Variants in ASTN1 observed in about 807,000 individuals in gnomAD.
The protein encoded by ASTN1 is astrotactin 1, also known as astrotactin-1.
ASTN1 carries 41 observed loss-of-function variants against 140.7 expected under a neutral mutation model. The ratio of observed to expected loss-of-function variants is 0.29; its 90% CI spans 0.23 to 0.38. The LOEUF is 0.38. ASTN1 is among the 10% of genes least tolerant of loss of function. The pLI is 1.00. For synonymous variants in ASTN1, 640 were observed against 652.2 expected, an observed-to-expected ratio of 0.98 and a Z score of 0.29; for missense variants, 1,479 against 1,678.8, an observed-to-expected ratio of 0.88 and a Z score of 2.08.
At chr1:176,876,003 C>A (rs184809231) in intron 21 of ASTN1, among the ~76,000 whole-genome samples, 2 of 152,142 alleles carry the variant, frequency 1.3e-5, no homozygotes, top group African/African-American at 2.4e-5. Flanking sequence ...ACTGATCCTG[C>A]AGGGGAGTTT....
intron 8 of ASTN1, among the ~76,000 whole-genome samples, chr1:176,982,619 C>A (rs1673670972): frequency 6.6e-6 from 1 of 152,142 alleles, no homozygotes; most frequent in Non-Finnish European, 1.5e-5. Context: ...TGAATCAGAC[C>A]TTAAGAACAG....
intron 1 of ASTN1, among the ~76,000 whole-genome samples, chr1:177,075,872 C>T (rs2102064988): frequency 6.6e-6 from 1 of 151,966 alleles, no homozygotes; most frequent in East Asian, 1.9e-4. Flanking sequence ...AAACTCCTGG[C>T]CTCAAGTGAT....
chr1:176,994,135 G>C (rs181467948), intron 8 of ASTN1, among the ~76,000 whole-genome samples: 45 of 142,646 alleles, frequency 3.2e-4, no homozygotes, highest in African/African-American at 9.1e-4. Context: ...AGAACTAAGA[G>C]ACTGGAAAGA....
chr1:177,164,341 G>A, intron 1 of ASTN1, 53 bp downstream of exon 1: 3 of 1,469,288 alleles, frequency 2.0e-6, no homozygotes, highest in South Asian at 1.4e-5. Context: ...GGAGTGGGGG[G>A]TGGGGGCGCC....
chr1:176,943,265 C>T (rs1671816435), intron 14 of ASTN1, among the ~76,000 whole-genome samples: 1 of 152,028 alleles, frequency 6.6e-6, no homozygotes, highest in South Asian at 2.1e-4. Flanking sequence ...GAGATTCCTG[C>T]CTCTTCTAAT....
At chr1:177,063,404 G>A (rs1359483856) in intron 1 of ASTN1, among the ~76,000 whole-genome samples, 1 of 152,152 alleles carries the variant, frequency 6.6e-6, no homozygotes, top group Non-Finnish European at 1.5e-5. Context: ...GGAAGCTGTA[G>A]TGGGCAGAGG....
intron 21 of ASTN1, among the ~76,000 whole-genome samples, chr1:176,875,432 TC>T: frequency 6.6e-6 from 1 of 152,312 alleles, no homozygotes. Flanking sequence ...CTTGATATGA[TC>T]AGGTGTCTGT....
chr1:177,094,642 T>C (rs573360241), intron 1 of ASTN1, among the ~76,000 whole-genome samples: 30 of 152,340 alleles, frequency 2.0e-4, no homozygotes, highest in African/African-American at 7.0e-4. Flanking sequence ...TTGTATGGCA[T>C]TTTGTTATAG....
intron 8 of ASTN1, among the ~76,000 whole-genome samples, chr1:176,991,701 G>T (rs1018853884): frequency 2.0e-5 from 3 of 152,142 alleles, no homozygotes; most frequent in African/African-American, 7.2e-5. Flanking sequence ...TCCTGCAGAA[G>T]GGCAACATTT....
rs370877285 is a variant in ASTN1, at chr1:176,868,789, A to G, written c.3647+55T>C. 255 of 1,513,168 alleles carry G rather than the reference A, an allele frequency of 1.7e-4. 2 individuals are homozygous for G. The highest frequency in any genetic ancestry group is 4.8e-5 in the Non-Finnish European group (53 of 1,115,528). The allele number at this position is 1,513,168 out of a possible 1,614,324, so 93.7% of individuals were successfully genotyped here. On this transcript the variant is annotated intron_variant, in intron 22 of 22. Transcript: ENST00000361833. ...TTCATGGATGCAGTATTACGGCACAAGAGGTACAAAATTTCAAGAAGTCTT... is the reference window on the plus strand; with the variant it reads ...TTCATGGATGCAGTATTACGGCACAGGAGGTACAAAATTTCAAGAAGTCTT...
At chr1:176,942,010 T>C (rs1445419219) in intron 14 of ASTN1, among the ~76,000 whole-genome samples, 1 of 152,216 alleles carries the variant, frequency 6.6e-6, no homozygotes, top group Non-Finnish European at 1.5e-5. Flanking sequence ...ATGTAATATT[T>C]CATAGGGCAA....
chr1:176,904,598 G>A (rs1266304581), intron 16 of ASTN1, among the ~76,000 whole-genome samples: 1 of 152,180 alleles, frequency 6.6e-6, no homozygotes, highest in Non-Finnish European at 1.5e-5. Context: ...CACGCTGCCA[G>A]GAAAGAGCCT....
chr1:177,059,763 C>T (rs1677994533), intron 2 of ASTN1, among the ~76,000 whole-genome samples: 1 of 152,064 alleles, frequency 6.6e-6, no homozygotes, highest in South Asian at 2.1e-4. Flanking sequence ...ACTCAGTTTC[C>T]CTCAGTCTGA....
Position 176,994,105 on chromosome 1 carries a change from C to G in ASTN1, c.1523+20686G>C, listed in dbSNP as rs186237682. 5.0e-4 allele frequency among the ~76,000 whole-genome samples: 76 copies of G among 151,536 alleles called. No individual in the cohort carries two copies. The East Asian group carries it at 0.014, about 28-fold the overall frequency. ...AGTACTTGAAAGTTTTCACCCCACC[C>G]CCCCCGCCACCCACCAATGAGAACT... On this transcript the variant is annotated intron_variant, in intron 8 of 22. Transcript: ENST00000361833.
chr1:176,937,341 GT>G (rs1286819895), intron 14 of ASTN1, among the ~76,000 whole-genome samples: 2 of 152,184 alleles, frequency 1.3e-5, no homozygotes, highest in African/African-American at 4.8e-5. Flanking sequence ...CAAATATTGA[GT>G]GCCATCTCTG....
At chr1:176,861,063 C>G (rs1268180022), downstream of ASTN1, 1 of 946,132 alleles carries the variant, frequency 1.1e-6, no homozygotes, top group Non-Finnish European at 1.3e-6. Context: ...ATCCACATAC[C>G]CAATGCTTAC....
At chr1:176,953,381 A>G (rs1166944592) in intron 11 of ASTN1, among the ~76,000 whole-genome samples, 1 of 152,210 alleles carries the variant, frequency 6.6e-6, no homozygotes, top group East Asian at 1.9e-4. Context: ...AAGACATGCA[A>G]CTATAATTCC....
chr1:177,040,240 T>C (rs773066741), intron 2 of ASTN1, among the ~76,000 whole-genome samples: 13 of 152,234 alleles, frequency 8.5e-5, no homozygotes, highest in Non-Finnish European at 1.8e-4. Flanking sequence ...TCTTGGGGGT[T>C]TTCTGAAGTC....
At position 177,029,599 on chromosome 1, in the gene ASTN1, C is replaced by A. The variant is rs761005963; in HGVS notation, c.1120+35G>T. On this transcript the variant is annotated intron_variant, in intron 5 of 22. Transcript: ENST00000361833. The stretch of plus-strand genomic sequence containing the variant: ...TCCCCCGCCTCCCTCACTCCCAGAT[C>A]CTTTACCACCTTCTGCCACCTCTAT... 5 of 1,600,560 alleles carry A rather than the reference C, an allele frequency of 3.1e-6. No individual in the cohort carries two copies. The African/African-American group carries it at 5.4e-5, about 17-fold the overall frequency.
Sources: allele counts gnomAD v4.1 joint callset (sites outside exome capture counted in the v4.1 genomes callset), GRCh38; gene constraint gnomAD v4.1.1; transcripts MANE v1.5; gene names NCBI Gene and HGNC (gene_info 2026-07-23, HGNC 2026-07-21).